ALMS1: variants seen among roughly 807,000 people sequenced by gnomAD.
The protein encoded by ALMS1 is ALMS1 centrosome and basal body associated protein, also known as centrosome-associated protein ALMS1.
Under a neutral mutation model 352.2 loss-of-function variants are expected in ALMS1, and 271 were observed. That is an observed-to-expected ratio of 0.77 (90% CI 0.70 to 0.85). The LOEUF is 0.85. Among genes scored for constraint, ALMS1 ranks in the 40% least tolerant of loss-of-function variants. The pLI, the probability that ALMS1 is intolerant of heterozygous loss-of-function variation, is 0.00. For missense variants in ALMS1, 5,445 were observed against 4,870.7 expected (o/e 1.12, Z -3.51); for synonymous variants, 1,865 against 1,761.2 (o/e 1.06, Z -1.48).
rs549883815 is a variant in ALMS1 at position 73,448,573 on chromosome 2, C to G, written c.2046C>G (p.Thr682=). 3 of 1,613,824 alleles carry G rather than the reference C, an allele frequency of 1.9e-6. No homozygotes were observed. In the South Asian group the frequency reaches 3.3e-5, roughly 18 times the overall value. ...ACCTCCTCTTTTTCTATCGACAGAC[C>G]TTGCCAGATGGTCATCTAACTGATC... ...VEDLLFFYRQ[T]LPDGHLTDQA... Residue 682 remains threonine, a synonymous_variant, in exon 8 of 23, where the codon ACC becomes ACG. Coordinates refer to ENST00000613296, the MANE Select transcript of ALMS1 (RefSeq NM_001378454.1).
chr2:73,565,965 A>G (rs1267602582), intron 15 of ALMS1, among the ~76,000 whole-genome samples: 2 of 152,180 alleles, frequency 1.3e-5, no homozygotes, highest in Non-Finnish European at 2.9e-5. Context: ...ACAGAAAAAG[A>G]ACAGTATGTA....
At position 73,395,079 on chromosome 2, in the gene ALMS1, T is replaced by TATATA. The variant is rs1491525344; in HGVS notation, c.324+8887_324+8888insATATA. Among the ~76,000 whole-genome samples, 102 of 84,276 alleles carry TATATA rather than the reference T, an allele frequency of 1.2e-3. 1 individual carries two copies. The highest frequency in any genetic ancestry group is 1.6e-3 in the South Asian group (5 of 3,048). The allele number at this position is 84,276 out of a possible 152,430, so 55.3% of individuals were successfully genotyped here. On this transcript the variant is annotated intron_variant, in intron 1 of 22. Coordinates refer to ENST00000613296, the MANE Select transcript of ALMS1 (RefSeq NM_001378454.1). Reference sequence around the variant, plus strand: ...ATATGTGTATATATATATATATATATTTTTTTTTTTTTTTTTTTTTGAGAC... The same window carrying TATATA: ...ATATGTGTATATATATATATATATATATATATTTTTTTTTTTTTTTTTTTTGAGAC...
rs772411117 is a variant in ALMS1, at chr2:73,450,703, C to T, written c.4176C>T (p.Tyr1392=). 23 of 1,612,752 alleles carry T rather than the reference C, an allele frequency of 1.4e-5. No homozygotes were observed. The highest frequency in any genetic ancestry group is 1.9e-5 in the Non-Finnish European group (23 of 1,179,566). The change falls in exon 8 of 23, where the codon TAC becomes TAT. Residue 1392 remains tyrosine, a synonymous_variant. Transcript: ENST00000613296. ...ATACAGAGAAGCCGAGTATTTTCTA[C>T]CAACAGTCGTTGCCAGGTAGTCATC... ...SQHTEKPSIF[Y]QQSLPGSHLT...
At position 73,450,661 on chromosome 2, in the gene ALMS1, T is replaced by C. The variant is rs200491758; in HGVS notation, c.4134T>C (p.Ser1378=). 180 of 1,611,392 alleles carry C rather than the reference T, an allele frequency of 1.1e-4. No homozygotes were observed. In the African/African-American group the frequency reaches 2.3e-3, roughly 20 times the overall value. Residue 1378 remains serine, a synonymous_variant, in exon 8 of 23, where the codon TCT becomes TCC. Coordinates refer to ENST00000613296, the MANE Select transcript of ALMS1 (RefSeq NM_001378454.1). ...DQTTGTPTVT[S]TSYSQHTEKP... ...CAACTGGCACACCAACTGTAACCTC[T>C]ACTTCTTACTCACAACATACAGAGA...
chr2:73,547,776 G>A (rs567218929), intron 12 of ALMS1, among the ~76,000 whole-genome samples: 15 of 152,164 alleles, frequency 9.9e-5, no homozygotes, highest in South Asian at 2.1e-4. Flanking sequence ...ATGGGAAGGC[G>A]GAGAGCCATG....
At chr2:73,495,606 T>G (rs182571770) in intron 10 of ALMS1, among the ~76,000 whole-genome samples, 18 of 152,196 alleles carry the variant, frequency 1.2e-4, no homozygotes, top group African/African-American at 4.3e-4. Flanking sequence ...GGACCTGGCA[T>G]GCTCATTGCT....
intron 16 of ALMS1, among the ~76,000 whole-genome samples, chr2:73,582,718 T>A (rs576610814): frequency 6.6e-6 from 1 of 152,368 alleles, no homozygotes; most frequent in South Asian, 2.1e-4. Flanking sequence ...CCTCCCTTTT[T>A]AATTCTGTAT....
intron 15 of ALMS1, among the ~76,000 whole-genome samples, chr2:73,568,230 CATTCATGTACTCTTATAAGACT>C (rs1173869011): frequency 6.6e-6 from 1 of 152,140 alleles, no homozygotes; most frequent in African/African-American, 2.4e-5. Flanking sequence ...CATGGGGAAA[CATTCATGTACTCTTATAAGACT>C]ATTATTAGAA....
intron 1 of ALMS1, among the ~76,000 whole-genome samples, chr2:73,403,562 T>G (rs1455623124): frequency 6.6e-6 from 1 of 152,136 alleles, no homozygotes; most frequent in Non-Finnish European, 1.5e-5. Context: ...TCTATTTTTG[T>G]GAAAAATGCC....
chr2:73,537,325 G>A (rs1307878951), intron 12 of ALMS1, among the ~76,000 whole-genome samples: 1 of 152,222 alleles, frequency 6.6e-6, no homozygotes. Flanking sequence ...GAGACCCCAT[G>A]TATGCGTAGG....
chr2:73,565,186 C>T (rs1230424027), intron 15 of ALMS1, among the ~76,000 whole-genome samples: 3 of 152,080 alleles, frequency 2.0e-5, no homozygotes, highest in Non-Finnish European at 4.4e-5. Context: ...TACAAATGTC[C>T]AGGATTCCTT....
intron 9 of ALMS1, among the ~76,000 whole-genome samples, chr2:73,485,594 G>A (rs974672665): frequency 2.0e-4 from 30 of 152,212 alleles, no homozygotes; most frequent in African/African-American, 9.6e-5. Context: ...AGCTGTGGTG[G>A]GCTCCACCCA....
At chr2:73,532,887 G>A (rs188941090) in intron 11 of ALMS1, among the ~76,000 whole-genome samples, 16 of 152,286 alleles carry the variant, frequency 1.1e-4, no homozygotes, top group African/African-American at 3.8e-4. Context: ...GGTGAGTACT[G>A]CCTGGCTACC....
intron 7 of ALMS1, among the ~76,000 whole-genome samples, chr2:73,438,001 C>T (rs1671639352): frequency 6.6e-6 from 1 of 152,162 alleles, no homozygotes; most frequent in Admixed American, 6.5e-5. Flanking sequence ...TCCTATGGTT[C>T]CTGTTTACTC....
At position 73,601,227 on chromosome 2, in the gene ALMS1, G is replaced by C; in HGVS notation, c.11905G>C (p.Glu3969Gln). Residue 3969 changes from glutamate to glutamine, a missense_variant, in exon 19 of 23, where the codon GAG (glutamate) becomes CAG (glutamine). Glu to Gln is a conservative substitution (Grantham distance 29, BLOSUM62 2). Transcript: ENST00000613296. ...VSWFVPVENVESRSKKENVPN... is the reference protein window; with the variant it reads ...VSWFVPVENVQSRSKKENVPN... ...CTGGTTTGTTCCTGTGGAAAATGTG[G>C]AGTCTAGATCAAAGAAGGAAAACGT... The C allele has an allele frequency of 6.2e-7, 1 of 1,614,164 alleles. No individual in the cohort carries two copies. Among genetic ancestry groups the C allele is most frequent in the Non-Finnish European group, 8.5e-7 (1 of 1,180,024 alleles).
At chr2:73,481,096 C>A (rs1291590051) in intron 9 of ALMS1, among the ~76,000 whole-genome samples, 2 of 151,974 alleles carry the variant, frequency 1.3e-5, no homozygotes, top group African/African-American at 4.8e-5. Context: ...TCCCATTTGT[C>A]AATTTTGTCT....
intron 1 of ALMS1, among the ~76,000 whole-genome samples, chr2:73,391,259 A>G (rs539117149): frequency 7.2e-6 from 1 of 139,008 alleles, no homozygotes; most frequent in African/African-American, 2.9e-5. Flanking sequence ...ACAGTGCACA[A>G]TTTATTTTTT....
Position 73,426,433 on chromosome 2 carries a change from A to G in ALMS1, c.1238-20A>G, listed in dbSNP as rs771811655. 5.0e-6 allele frequency: 8 copies of G among 1,612,914 alleles called. No homozygotes were observed. In the East Asian group the frequency reaches 1.3e-4, roughly 27 times the overall value. ...GTTTTACTATACATACAATTATGCAAAATGACTCCTATTTTGTAGAGGGCC... is the reference window on the plus strand; with the variant it reads ...GTTTTACTATACATACAATTATGCAGAATGACTCCTATTTTGTAGAGGGCC... On this transcript the variant is annotated intron_variant, in intron 5 of 22. Coordinates refer to ENST00000613296, the MANE Select transcript of ALMS1 (RefSeq NM_001378454.1).
At chr2:73,540,909 C>T (rs1000628338) in intron 12 of ALMS1, among the ~76,000 whole-genome samples, 1 of 152,114 alleles carries the variant, frequency 6.6e-6, no homozygotes, top group Non-Finnish European at 1.5e-5. Context: ...ACTTAGACTC[C>T]CACACAATAA....
Sources: gnomAD v4.1 joint callset for allele counts (sites outside exome capture counted in the v4.1 genomes callset) on GRCh38, gnomAD v4.1.1 for gene constraint, MANE v1.5 for transcripts, NCBI Gene and HGNC (gene_info 2026-07-23, HGNC 2026-07-21) for gene names.